The following STXBP5L variants were observed in gnomAD, a reference collection of about 807,000 sequenced individuals.
STXBP5L encodes the protein syntaxin-binding protein 5-like.
In STXBP5L, 65 loss-of-function variants were observed where a neutral mutation model predicts 144.5. That is an observed-to-expected ratio of 0.45 (90% CI 0.37 to 0.55). The LOEUF (loss-of-function observed/expected upper bound fraction) is 0.55. STXBP5L is among the 20% of genes least tolerant of loss of function. The pLI is 0.00. For synonymous variants in STXBP5L, 505 were observed against 469.6 expected, an observed-to-expected ratio of 1.08 and a Z score of -0.97; for missense variants, 1,298 against 1,405.5, an observed-to-expected ratio of 0.92 and a Z score of 1.22.
chr3:121,046,816 A>G lies in STXBP5L; in HGVS notation c.470+1281A>G, dbSNP rs1947549597. ...TGTCAAAAAACCAACTCTTGTACTC[A>G]TTGATCTTTTGTATGGTTTTTTTGC... On this transcript the variant is annotated intron_variant, in intron 5 of 26. Coordinates refer to ENST00000471454, the MANE Select transcript of STXBP5L (RefSeq NM_001308330.2). 3.9e-5 allele frequency among the ~76,000 whole-genome samples: 6 copies of G among 152,024 alleles called. No individual in the cohort carries two copies. In the South Asian group the frequency reaches 8.3e-4, roughly 21 times the overall value.
At chr3:121,371,810 G>T (rs1162616974) in intron 20 of STXBP5L, among the ~76,000 whole-genome samples, 2 of 152,212 alleles carry the variant, frequency 1.3e-5, no homozygotes, top group African/African-American at 4.8e-5. Context: ...TGCACCAGTG[G>T]CAGTGTTGCT....
chr3:120,931,561 T>C (rs186955861), intron 2 of STXBP5L, among the ~76,000 whole-genome samples: 10 of 152,298 alleles, frequency 6.6e-5, no homozygotes, highest in African/African-American at 2.2e-4. Flanking sequence ...GGTTGCTTAT[T>C]TTTTCTTTTG....
chr3:121,159,805 T>G (rs2046253082), intron 9 of STXBP5L, among the ~76,000 whole-genome samples: 1 of 151,680 alleles, frequency 6.6e-6, no homozygotes, highest in Non-Finnish European at 1.5e-5. Flanking sequence ...AATTTTTTTT[T>G]GTATTTTTAG....
intron 20 of STXBP5L, among the ~76,000 whole-genome samples, chr3:121,351,622 T>C (rs191277101): frequency 1.5e-4 from 23 of 152,308 alleles, no homozygotes; most frequent in African/African-American, 5.1e-4. Context: ...TGCAAAAATT[T>C]TCTCCCATTT....
chr3:121,334,419 A>C, intron 20 of STXBP5L, among the ~76,000 whole-genome samples: 1 of 151,642 alleles, frequency 6.6e-6, no homozygotes, highest in Non-Finnish European at 1.5e-5. Context: ...TCCTGATATC[A>C]AAACCTGGCA....
At chr3:121,098,323 G>A (rs981807868) in intron 5 of STXBP5L, among the ~76,000 whole-genome samples, 5 of 152,154 alleles carry the variant, frequency 3.3e-5, no homozygotes, top group African/African-American at 1.2e-4. Context: ...AGAAGGAGGA[G>A]CAGAGTATCA....
At chr3:121,306,038 G>C (rs2043327033) in intron 19 of STXBP5L, among the ~76,000 whole-genome samples, 2 of 152,160 alleles carry the variant, frequency 1.3e-5, no homozygotes, top group South Asian at 4.1e-4. Context: ...TAGACTTCCA[G>C]CTGGCAGCCT....
intron 5 of STXBP5L, among the ~76,000 whole-genome samples, chr3:121,092,487 G>A (rs1158604796): frequency 1.8e-4 from 28 of 152,096 alleles, no homozygotes; most frequent in South Asian, 4.2e-4. Flanking sequence ...GGTCCTTCAC[G>A]TCCCTTGTAA....
intron 3 of STXBP5L, among the ~76,000 whole-genome samples, chr3:121,016,363 T>C (rs567737442): frequency 6.6e-6 from 1 of 152,270 alleles, no homozygotes; most frequent in African/African-American, 2.4e-5. Flanking sequence ...ACAAAATGTA[T>C]ACAGGTAAGC....
At chr3:121,022,293 A>C (rs1945613261) in intron 3 of STXBP5L, among the ~76,000 whole-genome samples, 1 of 152,104 alleles carries the variant, frequency 6.6e-6, no homozygotes, top group Admixed American at 6.6e-5. Flanking sequence ...AAAGTTACCA[A>C]CAACAACAAA....
intron 22 of STXBP5L, among the ~76,000 whole-genome samples, chr3:121,392,722 G>T (rs949761505): frequency 7.0e-6 from 1 of 143,648 alleles, no homozygotes; most frequent in Admixed American, 7.2e-5. Context: ...GTGTAGTCAA[G>T]TATAAAGCAA....
At chr3:121,418,033 G>A (rs957478970) in intron 25 of STXBP5L, among the ~76,000 whole-genome samples, 2 of 152,086 alleles carry the variant, frequency 1.3e-5, no homozygotes, top group African/African-American at 4.8e-5. Context: ...ATTAATATGG[G>A]TTAAATATGA....
intron 3 of STXBP5L, among the ~76,000 whole-genome samples, chr3:121,018,071 C>A (rs1213632684): frequency 2.6e-5 from 4 of 151,082 alleles, no homozygotes; most frequent in African/African-American, 7.3e-5. Flanking sequence ...AGAGGGAGGC[C>A]CTTTTTCAAA....
In STXBP5L at chr3:121,126,743, T is replaced by C. The variant is rs189148442; in HGVS notation, c.669+5039T>C. On this transcript the variant is annotated intron_variant, in intron 7 of 26. Coordinates refer to ENST00000471454, the MANE Select transcript of STXBP5L (RefSeq NM_001308330.2). ...AAAACAATTTATTATCTTTCAGTTC[T>C]GTAGGCCAGAAGTTCAACACAGGTC... Among the ~76,000 whole-genome samples the C allele has an allele frequency of 1.5e-3, 222 of 152,336 alleles. 1 individual carries two copies. Among genetic ancestry groups the C allele is most frequent in the Non-Finnish European group, 2.6e-3 (178 of 68,030 alleles).
chr3:121,029,559 A>G (rs1411903257), intron 3 of STXBP5L, among the ~76,000 whole-genome samples: 1 of 152,170 alleles, frequency 6.6e-6, no homozygotes, highest in African/African-American at 2.4e-5. Context: ...TAAACGTAAG[A>G]CCTAAAACCA....
intron 3 of STXBP5L, among the ~76,000 whole-genome samples, chr3:120,996,832 G>A (rs964530808): frequency 1.3e-5 from 2 of 152,060 alleles, no homozygotes; most frequent in African/African-American, 4.8e-5. Context: ...GTTCAGGGGG[G>A]TACATGTTCA....
At chr3:121,217,071 G>A (rs185899942) in intron 10 of STXBP5L, among the ~76,000 whole-genome samples, 123 of 152,268 alleles carry the variant, frequency 8.1e-4, no homozygotes, top group Middle Eastern at 3.4e-3. Flanking sequence ...TCAGACTGCC[G>A]TGCTGGCAGC....
intron 3 of STXBP5L, among the ~76,000 whole-genome samples, chr3:120,974,369 G>A (rs553066128): frequency 6.6e-5 from 10 of 151,814 alleles, no homozygotes; most frequent in South Asian, 2.1e-4. Flanking sequence ...CATGTCCTTC[G>A]CCCACTTTTT....
chr3:121,033,561 T>TA (rs1206651189), intron 3 of STXBP5L, among the ~76,000 whole-genome samples: 2 of 99,808 alleles, frequency 2.0e-5, no homozygotes, highest in Non-Finnish European at 4.3e-5. Flanking sequence ...CCCTAAAACT[T>TA]AAAGTACAAT....
Sources: gnomAD v4.1 joint callset for allele counts (sites outside exome capture counted in the v4.1 genomes callset) on GRCh38, gnomAD v4.1.1 for gene constraint, MANE v1.5 for transcripts, NCBI Gene and HGNC (gene_info 2026-07-23, HGNC 2026-07-21) for gene names.